The following ZNF83 variants were observed in gnomAD, a reference collection of about 807,000 sequenced individuals.
ZNF83 encodes zinc finger protein 816B.
For missense variants in ZNF83, 552 were observed against 629.9 expected (o/e 0.88, Z 1.32); for synonymous variants, 209 against 213.0 (o/e 0.98, Z 0.17).
At chr19:52,645,385 T>G (rs2061359089) in intron 3 of ZNF83, among the ~76,000 whole-genome samples, 1 of 152,000 alleles carries the variant, frequency 6.6e-6, no homozygotes, top group African/African-American at 2.4e-5. Context: ...TATAACAAAT[T>G]CTGGGGTCAA....
intron 2 of ZNF83, among the ~76,000 whole-genome samples, chr19:52,624,886 T>C (rs1042381982): frequency 8.5e-5 from 13 of 152,178 alleles, no homozygotes; most frequent in Non-Finnish European, 1.6e-4. Flanking sequence ...TTTTGCTCCC[T>C]GGCTCCTTCA....
intron 2 of ZNF83, among the ~76,000 whole-genome samples, chr19:52,624,392 C>T (rs1219581934): frequency 1.3e-5 from 2 of 152,172 alleles, no homozygotes; most frequent in East Asian, 3.8e-4. Flanking sequence ...ATCTCTCAAA[C>T]CCCAACCCCT....
chr19:52,663,154 C>A (rs941282386), intron 1 of ZNF83, among the ~76,000 whole-genome samples: 1 of 151,816 alleles, frequency 6.6e-6, no homozygotes, highest in African/African-American at 2.4e-5. Flanking sequence ...CAGAGTGACA[C>A]TCCATCTCAA....
chr19:52,674,015 C>CAAAAAA (rs67570337), intron 1 of ZNF83, among the ~76,000 whole-genome samples: 31 of 73,010 alleles, frequency 4.2e-4, no homozygotes, highest in African/African-American at 7.8e-4. Flanking sequence ...GACTCCATCT[C>CAAAAAA]AAAAAAAAAA....
exon 3 of ZNF83, chr19:52,614,478 C>G: frequency 6.2e-7 from 1 of 1,612,308 alleles, no homozygotes; most frequent in Non-Finnish European, 8.5e-7. Context: ...CTTGAAATAG[C>G]TGCAGTTCTG....
chr19:52,675,274 C>T (rs967010605), intron 1 of ZNF83, among the ~76,000 whole-genome samples: 1 of 152,160 alleles, frequency 6.6e-6, no homozygotes, highest in African/African-American at 2.4e-5. Flanking sequence ...TTTGCATGTA[C>T]GGTAAGTGAG....
At chr19:52,666,607 C>A (rs532396191) in intron 1 of ZNF83, among the ~76,000 whole-genome samples, 1 of 104,608 alleles carries the variant, frequency 9.6e-6, no homozygotes, top group African/African-American at 3.8e-5. Flanking sequence ...CAAGGAAGAA[C>A]TATCCTAAGT....
intron 1 of ZNF83, among the ~76,000 whole-genome samples, chr19:52,672,003 C>T (rs1057302628): frequency 1.3e-5 from 2 of 152,036 alleles, no homozygotes; most frequent in African/African-American, 2.4e-5. Context: ...GAGGTCGAGG[C>T]AGGTGGATGA....
intron 1 of ZNF83, among the ~76,000 whole-genome samples, chr19:52,678,519 G>T (rs773483661): frequency 6.6e-6 from 1 of 151,622 alleles, no homozygotes; most frequent in Non-Finnish European, 1.5e-5. Context: ...AAAAACAAGG[G>T]TGTCTCTTTT....
chr19:52,613,057 T>G lies in ZNF83; in HGVS notation c.1508A>C (p.His503Pro), dbSNP rs757652265. 30 of 1,607,924 alleles carry G rather than the reference T, an allele frequency of 1.9e-5. No individual in the cohort carries two copies. The Admixed American group carries it at 2.5e-4, about 14-fold the overall frequency. The change falls in exon 3 of 3, where the codon CAT becomes CCT. Residue 503 changes from histidine (H) to proline (P), a missense_variant. Physicochemically the swap from His to Pro is moderately conservative, Grantham distance 77 (BLOSUM62 -2). Transcript: ENST00000301096. Reference sequence around the variant, plus strand: ...TTTCTTTCCGGCATGAAATCTCTGATGACGTACAAGATATGAATTGTCGCG... The same window carrying G: ...TTTCTTTCCGGCATGAAATCTCTGAGGACGTACAAGATATGAATTGTCGCG...
intron 1 of ZNF83, among the ~76,000 whole-genome samples, chr19:52,669,511 A>G (rs2061695218): frequency 6.6e-6 from 1 of 152,220 alleles, no homozygotes; most frequent in South Asian, 2.1e-4. Flanking sequence ...ATAGCCTTTG[A>G]CATGATATTA....
At chr19:52,631,125 G>T (rs1201829470) in intron 2 of ZNF83, among the ~76,000 whole-genome samples, 1 of 125,848 alleles carries the variant, frequency 7.9e-6, no homozygotes, top group African/African-American at 2.9e-5. Flanking sequence ...ATTACCTGGG[G>T]CTGTACTGCC....
intron 2 of ZNF83, among the ~76,000 whole-genome samples, chr19:52,656,080 G>T (rs1438834124): frequency 1.3e-5 from 2 of 152,138 alleles, no homozygotes; most frequent in Admixed American, 6.5e-5. Context: ...GGGTGTGGTT[G>T]TGCATGCCTC....
intron 2 of ZNF83, among the ~76,000 whole-genome samples, chr19:52,631,865 A>T (rs551234630): frequency 3.9e-5 from 6 of 152,140 alleles, no homozygotes; most frequent in African/African-American, 1.4e-4. Flanking sequence ...CCATCGTGGA[A>T]ATCTATCCTC....
chr19:52,623,131 T>G (rs1045688957), intron 2 of ZNF83, among the ~76,000 whole-genome samples: 7 of 152,172 alleles, frequency 4.6e-5, no homozygotes, highest in African/African-American at 1.7e-4. Context: ...ACTGTCCAGC[T>G]CACCCAGAAG....
chr19:52,614,925 A>G, intron 2 of ZNF83, 128 bp from the exon 3 acceptor site: 1 of 938,792 alleles, frequency 1.1e-6, no homozygotes, highest in South Asian at 5.7e-5. Context: ...ACTCCCATTC[A>G]TGATTTTTAA....
At chr19:52,678,008 C>T (rs2061845339) in intron 1 of ZNF83, among the ~76,000 whole-genome samples, 1 of 150,038 alleles carries the variant, frequency 6.7e-6, no homozygotes, top group Non-Finnish European at 1.5e-5. Context: ...GCACTACAAC[C>T]TGGGTGACAG....
intron 1 of ZNF83, among the ~76,000 whole-genome samples, chr19:52,682,770 T>C (rs957036869): frequency 1.3e-5 from 2 of 152,124 alleles, no homozygotes; most frequent in African/African-American, 4.8e-5. Flanking sequence ...TTTGGGAGGC[T>C]AAAATGGGGA....
chr19:52,645,805 C>A (rs199612741), intron 3 of ZNF83, among the ~76,000 whole-genome samples: 12,281 of 148,558 alleles, frequency 0.083, 548 homozygotes, highest in Middle Eastern at 0.11. Context: ...AGATTCTGCC[C>A]CCCCCCAAAA....
Sources: allele counts gnomAD v4.1 joint callset (sites outside exome capture counted in the v4.1 genomes callset), GRCh38; gene constraint gnomAD v4.1.1; transcripts MANE v1.5; gene names NCBI Gene and HGNC (gene_info 2026-07-23, HGNC 2026-07-21).